The following ARID1A variants were observed in gnomAD, a reference collection of about 807,000 sequenced individuals.
ARID1A encodes the protein AT-rich interaction domain 1A, also known as AT-rich interactive domain-containing protein 1A.
ARID1A carries 20 observed loss-of-function variants against 212.6 expected under a neutral mutation model. The observed-to-expected ratio is 0.09, with a 90% CI of 0.07 to 0.14. The LOEUF (loss-of-function observed/expected upper bound fraction) is 0.14. Ranked by LOEUF, ARID1A falls within the 10% of genes least tolerant of loss-of-function variation. ARID1A has a pLI of 1.00. For synonymous variants in ARID1A, 1,376 were observed against 1,222.1 expected (o/e 1.13, Z -2.63); for missense variants, 2,587 against 3,059.0 (o/e 0.85, Z 3.64).
rs188633979 is a variant in ARID1A, at chr1:26,777,696, G to A, written c.5125-1327G>A. Among the ~76,000 whole-genome samples the A allele has an allele frequency of 3.4e-3, 511 of 152,250 alleles. 1 individual carries two copies. The highest frequency in any genetic ancestry group is 6.8e-3 in the Middle Eastern group (2 of 294). ...GCCTGTAATCCCAGCACTTCAGGAG[G>A]CCGAGGCAGGAGGATCATTTGAGGT... On this transcript the variant is annotated intron_variant, in intron 19 of 19. Transcript: ENST00000324856.
rs1354271681 is a variant in ARID1A at position 26,696,652 on chromosome 1, C to T, written c.249C>T (p.Gly83=). The T allele has an allele frequency of 4.6e-6, 6 of 1,301,698 alleles. No homozygotes were observed. The highest frequency in any genetic ancestry group is 2.4e-5 in the South Asian group (1 of 41,668). 80.6% of individuals were successfully genotyped at this position (1,301,698 alleles called of 1,614,324 possible). A position where few individuals can be genotyped will look rare whatever the true frequency, so the allele number is the denominator to read the frequency against. Residue 83 remains glycine, a synonymous_variant, in exon 1 of 20, where the codon GGC becomes GGT. Coordinates refer to ENST00000324856, the MANE Select transcript of ARID1A (RefSeq NM_006015.6). ...ACGGGGCCGAGAGCAATGGGGGTGG[C>T]GGCGGCGGCGGAGCCGGCAGCGGCG... The part of the protein sequence containing the change: ...LQDGAESNGG[G]GGGGAGSGGG...
chr1:26,704,610 C>T (rs911798340), intron 1 of ARID1A, among the ~76,000 whole-genome samples: 1 of 152,136 alleles, frequency 6.6e-6, no homozygotes, highest in Admixed American at 6.5e-5. Context: ...ATAATCCCAG[C>T]ACTTTGGGAG....
intron 4 of ARID1A, among the ~76,000 whole-genome samples, chr1:26,739,792 C>T (rs1331666360): frequency 1.3e-5 from 2 of 152,098 alleles, no homozygotes; most frequent in East Asian, 1.9e-4. Context: ...TAGTTGGTCA[C>T]CAAATCTTAG....
chr1:26,768,816 A>G (rs1254988994), intron 11 of ARID1A, among the ~76,000 whole-genome samples: 2 of 152,160 alleles, frequency 1.3e-5, no homozygotes, highest in African/African-American at 2.4e-5. Context: ...CCTCCTGTGT[A>G]TGTTCTGTAG....
rs368987720 is a variant in ARID1A at position 26,733,482 on chromosome 1, G to A, written c.1920+690G>A. On this transcript the variant is annotated intron_variant, in intron 4 of 19. Coordinates refer to ENST00000324856, the MANE Select transcript of ARID1A (RefSeq NM_006015.6). ...AAATAGGTTACTAGAGAGTGCACAC[G>A]AGCACTGCACATTGTAGGCACTCCA... Among the ~76,000 whole-genome samples the A allele has an allele frequency of 1.2e-4, 19 of 152,224 alleles. No homozygotes were observed. In the East Asian group the frequency reaches 3.3e-3, roughly 26 times the overall value.
intron 1 of ARID1A, among the ~76,000 whole-genome samples, chr1:26,711,509 T>C (rs2080454102): frequency 6.6e-6 from 1 of 152,112 alleles, no homozygotes; most frequent in African/African-American, 2.4e-5. Context: ...AGGCCCCACC[T>C]CCTATTAATA....
chr1:26,748,930 C>T (rs1217432457), intron 4 of ARID1A, among the ~76,000 whole-genome samples: 1 of 151,890 alleles, frequency 6.6e-6, no homozygotes, highest in Admixed American at 6.6e-5. Context: ...TTTGGGAGGC[C>T]GAGGCAGGCA....
At position 26,762,327 on chromosome 1, in the gene ARID1A, T is replaced by C; in HGVS notation, c.2419+8T>C. 6.2e-7 allele frequency: 1 copy of C among 1,611,976 alleles called. No individual in the cohort carries two copies. The highest frequency in any genetic ancestry group is 8.5e-7 in the Non-Finnish European group (1 of 1,179,112). The stretch of plus-strand genomic sequence containing the variant: ...GTCAGTATGGCCCACAAGGTCAGTA[T>C]ACTACCCAGTTAGGAGTAGATACGG... On this transcript the variant is annotated splice_region_variant and intron_variant, in intron 7 of 19. Transcript: ENST00000324856.
chr1:26,739,910 A>G (rs2080771701), intron 4 of ARID1A, among the ~76,000 whole-genome samples: 1 of 151,984 alleles, frequency 6.6e-6, no homozygotes, highest in Non-Finnish European at 1.5e-5. Context: ...TCTTGCCACA[A>G]ACTTCTGACT....
rs750488480 is a variant in ARID1A at position 26,766,463 on chromosome 1, C to G, written c.2885C>G (p.Ala962Gly). Residue 962 changes from alanine (A) to glycine (G), a missense_variant, in exon 10 of 20, where the codon GCA (alanine) becomes GGA (glycine). Ala to Gly is a moderately conservative substitution (Grantham distance 60). Around this residue, in one of 11 missense-constraint regions of ARID1A, gnomAD observed 674 missense variants for 813.4 expected, o/e 0.83. Coordinates refer to ENST00000324856, the MANE Select transcript of ARID1A (RefSeq NM_006015.6). Reference protein sequence around the residue: ...GTMANNSAGMAASPEMMGLGD... With the variant: ...GTMANNSAGMGASPEMMGLGD... ...ATTTTTTTCTCTTTTACAGGGATGG[C>G]AGCCAGCCCAGAGATGATGGGCCTT... is the stretch of plus-strand genomic sequence containing the variant. 1 of 1,613,972 alleles carries G rather than the reference C, an allele frequency of 6.2e-7. No individual in the cohort carries two copies. Among genetic ancestry groups the G allele is most frequent in the South Asian group, 1.1e-5 (1 of 91,068 alleles).
chr1:26,706,560 G>C (rs1394488005), intron 1 of ARID1A, among the ~76,000 whole-genome samples: 2 of 152,132 alleles, frequency 1.3e-5, no homozygotes, highest in Admixed American at 1.3e-4. Context: ...CGTGTACTTT[G>C]ACTTTAAGAA....
At position 26,775,480 on chromosome 1, in the gene ARID1A, G is replaced by T. The variant is rs938903474; in HGVS notation, c.4994-97G>T. 13 of 1,531,672 alleles carry T rather than the reference G, an allele frequency of 8.5e-6. No homozygotes were observed. In the South Asian group the frequency reaches 1.5e-4, roughly 17 times the overall value. The allele number at this position is 1,531,672 out of a possible 1,614,324, so 94.9% of individuals were successfully genotyped here. On this transcript the variant is annotated intron_variant, in intron 18 of 19. Coordinates refer to ENST00000324856, the MANE Select transcript of ARID1A (RefSeq NM_006015.6). ...CCAGACAGAAACTGCCTTCCACCTT[G>T]TGTTATCTTCAGAGTAGCTTCACTG...
At chr1:26,751,642 G>A (rs2080886065) in intron 4 of ARID1A, among the ~76,000 whole-genome samples, 1 of 152,066 alleles carries the variant, frequency 6.6e-6, no homozygotes, top group Non-Finnish European at 1.5e-5. Context: ...ACTCACCTTA[G>A]GGTTGAATAT....
intron 4 of ARID1A, among the ~76,000 whole-genome samples, chr1:26,751,351 C>T (rs1379407397): frequency 6.6e-6 from 1 of 151,962 alleles, no homozygotes; most frequent in Non-Finnish European, 1.5e-5. Context: ...AAGTGAGCCT[C>T]GTGAGGTTAG....
In ARID1A at chr1:26,772,332, C is replaced by G. The variant is rs558751217; in HGVS notation, c.3407-168C>G. 6 of 948,476 alleles carry G rather than the reference C, an allele frequency of 6.3e-6. No individual in the cohort carries two copies. In the Admixed American group the frequency reaches 1.7e-4, roughly 27 times the overall value. The allele number at this position is 948,476 out of a possible 1,614,324, so 58.8% of individuals were successfully genotyped here. On this transcript the variant is annotated intron_variant, in intron 12 of 19. Coordinates refer to ENST00000324856, the MANE Select transcript of ARID1A (RefSeq NM_006015.6). ...CAAAGAGCTACAAAACCCTCAGATT[C>G]CCGTCTTTATGACCTGGCCTTGTAG...
At position 26,781,771 on chromosome 1, in the gene ARID1A, C is replaced by G. The variant is rs976778050; in HGVS notation, c.*1015C>G. 1 of 233,660 alleles carries G rather than the reference C, an allele frequency of 4.3e-6. No individual in the cohort carries two copies. The highest frequency in any genetic ancestry group is 8.5e-6 in the Non-Finnish European group (1 of 118,030). 14.5% of individuals were successfully genotyped at this position (233,660 alleles called of 1,614,324 possible). A position where few individuals can be genotyped will look rare whatever the true frequency, so the allele number is the denominator to read the frequency against. The stretch of plus-strand genomic sequence containing the variant: ...TTGCCAGATATCGCCCCTCTTGGTG[C>G]GATGCTGTACAGGTCTCTGTAAAAA... On this transcript the variant is annotated 3_prime_UTR_variant, in exon 20 of 20. Coordinates refer to ENST00000324856, the MANE Select transcript of ARID1A (RefSeq NM_006015.6).
At chr1:26,737,184 C>T (rs1358245824) in intron 4 of ARID1A, among the ~76,000 whole-genome samples, 4 of 152,084 alleles carry the variant, frequency 2.6e-5, no homozygotes, top group Admixed American at 6.5e-5. Context: ...GGTTTATTCT[C>T]GGCTCACTGC....
chr1:26,704,511 TAGGTA>T (rs1289928889), intron 1 of ARID1A, among the ~76,000 whole-genome samples: 1 of 152,182 alleles, frequency 6.6e-6, no homozygotes, highest in Non-Finnish European at 1.5e-5. Flanking sequence ...GTTGATGGGT[TAGGTA>T]AGCCTGCACA....
intron 1 of ARID1A, among the ~76,000 whole-genome samples, chr1:26,704,859 CAA>C (rs397811032): frequency 1.6e-4 from 20 of 126,322 alleles, no homozygotes; most frequent in Admixed American, 2.4e-4. Flanking sequence ...GACCTTGTCT[CAA>C]AAAAAAAAAA....
Sources: allele counts gnomAD v4.1 joint callset (sites outside exome capture counted in the v4.1 genomes callset), GRCh38; gene constraint gnomAD v4.1.1; regional missense constraint gnomAD v4.1.1; transcripts MANE v1.5; gene names NCBI Gene and HGNC (gene_info 2026-07-23, HGNC 2026-07-21).